The following SLCO3A1 variants were observed in gnomAD, a reference collection of about 807,000 sequenced individuals.
SLCO3A1 encodes PGE1 transporter.
A neutral mutation model predicts 63.1 loss-of-function variants in SLCO3A1; 27 were observed. That is an observed-to-expected ratio of 0.43 (90% CI 0.32 to 0.59). SLCO3A1 has a LOEUF of 0.59. SLCO3A1 is among the 20% of genes least tolerant of loss of function. SLCO3A1 has a pLI of 0.09. For missense variants in SLCO3A1, 773 were observed against 945.8 expected (o/e 0.82, Z 2.40); for synonymous variants, 473 against 409.9 (o/e 1.15, Z -1.86).
Position 91,872,778 on chromosome 15 carries a change from G to A in SLCO3A1, c.180+18690G>A, listed in dbSNP as rs1897310872. ...TCTCTCTTTTAAACTGAGGGAAAAG[G>A]TAATGAACATTGAACATGACTTTAC... On this transcript the variant is annotated intron_variant, in intron 1 of 9. Coordinates refer to ENST00000318445, the MANE Select transcript of SLCO3A1 (RefSeq NM_013272.4). This position sits in a 1 kb window ranked among gnomAD's most constrained non-coding sequence, Gnocchi z 4.1. 6.6e-6 allele frequency among the ~76,000 whole-genome samples: 1 copy of A among 152,218 alleles called. No individual in the cohort carries two copies. Among genetic ancestry groups the A allele is most frequent in the Non-Finnish European group, 1.5e-5 (1 of 68,038 alleles).
intron 2 of SLCO3A1, among the ~76,000 whole-genome samples, chr15:92,045,279 C>CAAAAA (rs11400205): frequency 1.0e-3 from 133 of 129,502 alleles, no homozygotes; most frequent in African/African-American, 3.7e-3. Flanking sequence ...GACTCCATCT[C>CAAAAA]AAAAAAAAAA....
At chr15:91,978,413 C>T (rs908954739) in intron 2 of SLCO3A1, among the ~76,000 whole-genome samples, 3 of 152,168 alleles carry the variant, frequency 2.0e-5, no homozygotes, top group African/African-American at 4.8e-5. Flanking sequence ...GAACATGTGG[C>T]CTTTTAGATT....
chr15:92,062,364 A>G (rs1040087645), intron 2 of SLCO3A1, among the ~76,000 whole-genome samples: 1 of 152,202 alleles, frequency 6.6e-6, no homozygotes, highest in African/African-American at 2.4e-5. Flanking sequence ...TGGGAAAAGC[A>G]AGGATTCAGT....
intron 1 of SLCO3A1, among the ~76,000 whole-genome samples, chr15:91,869,028 C>G (rs1897233076): frequency 1.3e-5 from 2 of 152,130 alleles, no homozygotes; most frequent in African/African-American, 4.8e-5. Flanking sequence ...CAGAAATAAT[C>G]ATGACTGGTG....
chr15:92,172,419 G>A (rs1017001515), exon 11 of SLCO3A1: 1 of 152,256 alleles, frequency 6.6e-6, no homozygotes, highest in African/African-American at 2.4e-5. Context: ...TATATTAAAA[G>A]CACTATTTTA....
intron 7 of SLCO3A1, among the ~76,000 whole-genome samples, chr15:92,136,467 T>C (rs980812454): frequency 1.3e-5 from 2 of 152,180 alleles, no homozygotes; most frequent in Admixed American, 1.3e-4. Context: ...AGAAAACAAA[T>C]GCAAGATTCC....
chr15:91,854,359 G>A lies in SLCO3A1; in HGVS notation c.180+271G>A. ...GGGTGCCGGGGGAGGAGAGGCGGCG[G>A]GCAGGTGGGCGTGAAACTATTCCTC... is the stretch of plus-strand genomic sequence containing the variant. On this transcript the variant is annotated intron_variant, in intron 1 of 9. Transcript: ENST00000318445. This position sits in a 1 kb window ranked among gnomAD's most constrained non-coding sequence, Gnocchi z 6.4. 2.7e-6 allele frequency: 3 copies of A among 1,103,072 alleles called. No homozygotes were observed. The highest frequency in any genetic ancestry group is 3.3e-6 in the Non-Finnish European group (3 of 904,764). 68.3% of individuals were successfully genotyped at this position (1,103,072 alleles called of 1,614,324 possible).
At chr15:91,977,104 G>T (rs12910715) in intron 2 of SLCO3A1, among the ~76,000 whole-genome samples, 35,353 of 152,082 alleles carry the variant, frequency 0.23, 4,621 homozygotes, top group East Asian at 0.34. Flanking sequence ...AAGTACCACA[G>T]TGTCACTAGT....
At position 91,863,018 on chromosome 15, in the gene SLCO3A1, C is replaced by T. The variant is rs907356706; in HGVS notation, c.180+8930C>T. Among the ~76,000 whole-genome samples the T allele has an allele frequency of 3.3e-5, 5 of 152,174 alleles. No homozygotes were observed. Among genetic ancestry groups the T allele is most frequent in the African/African-American group, 1.2e-4 (5 of 41,436 alleles). ...GCAGGTTGAAATTGGGAGAGCTGCC[C>T]TCAGCTGATTATATAAGCTATAAAA... On this transcript the variant is annotated intron_variant, in intron 1 of 9. Coordinates refer to ENST00000318445, the MANE Select transcript of SLCO3A1 (RefSeq NM_013272.4). The surrounding 1 kb of genome is among the most constrained non-coding windows in gnomAD (Gnocchi z 4.3).
intron 1 of SLCO3A1, among the ~76,000 whole-genome samples, chr15:91,911,484 C>T (rs1316984046): frequency 6.6e-6 from 1 of 152,024 alleles, no homozygotes; most frequent in Non-Finnish European, 1.5e-5. Context: ...AATTTTACTG[C>T]CAATGAAGGT....
intron 2 of SLCO3A1, among the ~76,000 whole-genome samples, chr15:91,953,960 C>G (rs1311316275): frequency 6.6e-6 from 1 of 152,212 alleles, no homozygotes; most frequent in Non-Finnish European, 1.5e-5. Context: ...AGGACTCTTA[C>G]AGATACTGAG....
downstream of SLCO3A1, among the ~76,000 whole-genome samples, chr15:92,167,230 G>A (rs1306376105): frequency 6.6e-6 from 1 of 152,188 alleles, no homozygotes; most frequent in Non-Finnish European, 1.5e-5. Flanking sequence ...CTGGCCAGAA[G>A]CCAGAGGAAA....
intron 2 of SLCO3A1, among the ~76,000 whole-genome samples, chr15:92,010,259 G>T (rs12903900): frequency 0.36 from 54,338 of 152,040 alleles, 10,048 homozygotes; most frequent in Admixed American, 0.4. Flanking sequence ...TTCAAATAAC[G>T]TTACTCTTGG....
chr15:92,049,070 G>C (rs1036461529), intron 2 of SLCO3A1, among the ~76,000 whole-genome samples: 1 of 152,194 alleles, frequency 6.6e-6, no homozygotes, highest in African/African-American at 2.4e-5. Context: ...TTGATTCCAG[G>C]CTGGTCTGAC....
At chr15:92,110,181 C>G (rs974659018) in intron 4 of SLCO3A1, among the ~76,000 whole-genome samples, 1 of 152,100 alleles carries the variant, frequency 6.6e-6, no homozygotes, top group Non-Finnish European at 1.5e-5. Flanking sequence ...GTCCTTGTAA[C>G]CTCCCCTCCC....
In SLCO3A1 at chr15:91,894,515, C is replaced by G. The variant is rs1248589103; in HGVS notation, c.181-21478C>G. Among the ~76,000 whole-genome samples, 1 of 151,910 alleles carries G rather than the reference C, an allele frequency of 6.6e-6. No homozygotes were observed. Among genetic ancestry groups the G allele is most frequent in the East Asian group, 1.9e-4 (1 of 5,180 alleles). ...AGATTGGAATCTGCCAAGGTAGGGC[C>G]AAGTGATGGGTGGATTAGATGTCTG... On this transcript the variant is annotated intron_variant, in intron 1 of 9. Transcript: ENST00000318445. The surrounding 1 kb of genome is among the most constrained non-coding windows in gnomAD (Gnocchi z 4.8).
chr15:92,159,274 C>G (rs752823275), intron 9 of SLCO3A1, among the ~76,000 whole-genome samples: 2 of 152,168 alleles, frequency 1.3e-5, no homozygotes, highest in Admixed American at 1.3e-4. Context: ...ATCACAAGGT[C>G]AAGAGATCGA....
At chr15:91,861,475 T>C (rs1897046077) in intron 1 of SLCO3A1, among the ~76,000 whole-genome samples, 1 of 151,566 alleles carries the variant, frequency 6.6e-6, no homozygotes, top group Admixed American at 6.5e-5. Flanking sequence ...AACAGCCTCG[T>C]TATTTCCCAT....
intron 2 of SLCO3A1, among the ~76,000 whole-genome samples, chr15:91,956,095 C>T (rs758668049): frequency 2.0e-5 from 3 of 152,092 alleles, no homozygotes; most frequent in Non-Finnish European, 2.9e-5. Context: ...GAAGACCCAT[C>T]CCCTGGGCGT....
Sources: gnomAD v4.1 joint callset for allele counts (sites outside exome capture counted in the v4.1 genomes callset) on GRCh38, gnomAD v4.1.1 for gene constraint, Gnocchi (gnomAD v3.1) non-coding constraint, MANE v1.5 for transcripts, NCBI Gene and HGNC (gene_info 2026-07-23, HGNC 2026-07-21) for gene names.